The following RBFOX1 variants were observed in gnomAD, a reference collection of about 807,000 sequenced individuals.
RBFOX1 encodes the protein RNA binding fox-1 homolog 1.
RBFOX1 carries 8 observed loss-of-function variants against 57.7 expected under a neutral mutation model. That is an observed-to-expected ratio of 0.14 (90% confidence interval 0.08 to 0.25). RBFOX1 has a LOEUF of 0.25. RBFOX1 is among the 10% of genes least tolerant of loss of function. The pLI, the probability that RBFOX1 is intolerant of heterozygous loss-of-function variation, is 1.00. For missense variants in RBFOX1, 611 were observed against 548.5 expected (o/e 1.11, Z -1.14); for synonymous variants, 326 against 222.4 (o/e 1.47, Z -4.15).
At chr16:7,086,365 C>T (rs552937782) in intron 4 of RBFOX1, among the ~76,000 whole-genome samples, 1 of 152,214 alleles carries the variant, frequency 6.6e-6, no homozygotes, top group Non-Finnish European at 1.5e-5. Flanking sequence ...CCCCCTCTCC[C>T]CTTCTGTACA....
At chr16:6,724,206 C>T (rs1221053988) in intron 3 of RBFOX1, among the ~76,000 whole-genome samples, 3 of 142,732 alleles carry the variant, frequency 2.1e-5, no homozygotes, top group African/African-American at 8.4e-5. Flanking sequence ...AAGGCATCTT[C>T]CATTTTTTTT....
At chr16:5,880,884 C>G (rs1037005750) in intron 4 of RBFOX1, among the ~76,000 whole-genome samples, 3 of 152,166 alleles carry the variant, frequency 2.0e-5, no homozygotes, top group Non-Finnish European at 4.4e-5. Flanking sequence ...TTTGTTAACA[C>G]ATTGAACAAG....
chr16:5,924,229 T>G (rs766513015), intron 4 of RBFOX1, among the ~76,000 whole-genome samples: 12 of 152,128 alleles, frequency 7.9e-5, no homozygotes, highest in Admixed American at 2.0e-4. Context: ...TTAAACCTCT[T>G]TCCTTTATAA....
At chr16:6,689,238 G>T (rs1259245119) in intron 3 of RBFOX1, among the ~76,000 whole-genome samples, 1 of 152,164 alleles carries the variant, frequency 6.6e-6, no homozygotes, top group Non-Finnish European at 1.5e-5. Context: ...TTTGTAGGAA[G>T]TGGTTGCAGG....
chr16:6,541,423 A>G (rs978477967), intron 2 of RBFOX1, among the ~76,000 whole-genome samples: 2 of 152,246 alleles, frequency 1.3e-5, no homozygotes, highest in African/African-American at 4.8e-5. Context: ...TTCCCTGCTC[A>G]CATGGAGTTG....
intron 3 of RBFOX1, among the ~76,000 whole-genome samples, chr16:6,718,196 C>A (rs1603457851): frequency 6.6e-6 from 1 of 152,186 alleles, no homozygotes; most frequent in Non-Finnish European, 1.5e-5. Flanking sequence ...TAGAAACTCA[C>A]AACATGAAAT....
intron 1 of RBFOX1, among the ~76,000 whole-genome samples, chr16:5,279,352 A>G (rs2063215866): frequency 6.6e-6 from 1 of 150,820 alleles, no homozygotes; most frequent in Non-Finnish European, 1.5e-5. Context: ...TAGGTATTTT[A>G]TTTTTGTAGC....
At chr16:7,343,210 G>C (rs1477427551) in intron 4 of RBFOX1, among the ~76,000 whole-genome samples, 1 of 152,208 alleles carries the variant, frequency 6.6e-6, no homozygotes, top group African/African-American at 2.4e-5. Context: ...GTGGCAAGGA[G>C]GATGTGTGAG....
chr16:5,647,882 T>G (rs1275523937), intron 3 of RBFOX1, among the ~76,000 whole-genome samples: 1 of 152,118 alleles, frequency 6.6e-6, no homozygotes, highest in Non-Finnish European at 1.5e-5. Context: ...TTTTTTGAGA[T>G]GGAGTTTCAT....
chr16:7,501,209 CT>C (rs2070729355), intron 4 of RBFOX1, among the ~76,000 whole-genome samples: 1 of 152,134 alleles, frequency 6.6e-6, no homozygotes, highest in Non-Finnish European at 1.5e-5. Flanking sequence ...TCCTATTTAC[CT>C]AAAGTGACTA....
chr16:6,161,152 G>T (rs905241708), intron 1 of RBFOX1, among the ~76,000 whole-genome samples: 6 of 152,250 alleles, frequency 3.9e-5, no homozygotes, highest in African/African-American at 1.4e-4. Flanking sequence ...ACTTGGGGAG[G>T]CCGAGGCGGG....
At chr16:5,732,753 C>T (rs1466247866) in intron 3 of RBFOX1, among the ~76,000 whole-genome samples, 1 of 152,190 alleles carries the variant, frequency 6.6e-6, no homozygotes, top group Non-Finnish European at 1.5e-5. Context: ...GTGTGAGATT[C>T]TCCCAGGTCC....
intron 3 of RBFOX1, among the ~76,000 whole-genome samples, chr16:6,976,069 A>G (rs368378453): frequency 9.2e-5 from 14 of 152,222 alleles, no homozygotes; most frequent in South Asian, 6.2e-4. Flanking sequence ...GGAGGTTTCA[A>G]TGAGCCAAGA....
intron 1 of RBFOX1, among the ~76,000 whole-genome samples, chr16:5,451,242 C>A (rs1389174115): frequency 6.6e-6 from 1 of 152,168 alleles, no homozygotes; most frequent in Non-Finnish European, 1.5e-5. Flanking sequence ...ACCCCCACTT[C>A]ACTCTGAAGA....
chr16:5,734,932 T>G (rs1432299616), intron 3 of RBFOX1, among the ~76,000 whole-genome samples: 1 of 152,138 alleles, frequency 6.6e-6, no homozygotes, highest in Non-Finnish European at 1.5e-5. Context: ...GCACAGGGTT[T>G]GGCATATAGT....
At chr16:6,283,102 G>A (rs897314801) in intron 1 of RBFOX1, among the ~76,000 whole-genome samples, 2 of 152,182 alleles carry the variant, frequency 1.3e-5, no homozygotes, top group Non-Finnish European at 2.9e-5. Flanking sequence ...CAAGGCAGGA[G>A]GATCACTTGA....
intron 4 of RBFOX1, among the ~76,000 whole-genome samples, chr16:7,350,452 G>A (rs950824950): frequency 1.3e-5 from 2 of 152,174 alleles, no homozygotes; most frequent in East Asian, 3.9e-4. Context: ...GTAGGGCATT[G>A]CAGGCAGTTT....
chr16:5,439,608 T>C (rs2068022452), intron 1 of RBFOX1, among the ~76,000 whole-genome samples: 1 of 152,066 alleles, frequency 6.6e-6, no homozygotes, highest in African/African-American at 2.4e-5. Context: ...CTGAGATTTT[T>C]GGTTTGAGCG....
chr16:6,592,052 CAT>C (rs1164184272), intron 2 of RBFOX1, among the ~76,000 whole-genome samples: 1 of 152,060 alleles, frequency 6.6e-6, no homozygotes, highest in African/African-American at 2.4e-5. Context: ...TTCAGACTTC[CAT>C]GTGTGTGAAA....
Sources: gnomAD v4.1 joint callset for allele counts (sites outside exome capture counted in the v4.1 genomes callset) on GRCh38, gnomAD v4.1.1 for gene constraint, MANE v1.5 for transcripts, NCBI Gene and HGNC (gene_info 2026-07-23, HGNC 2026-07-21) for gene names.